The following CACNB2 variants were observed in gnomAD, a reference collection of about 807,000 sequenced individuals.
CACNB2 encodes the protein calcium voltage-gated channel auxiliary subunit beta 2.
CACNB2 carries 42 observed loss-of-function variants against 73.3 expected under a neutral mutation model. The observed-to-expected ratio is 0.57, with a 90% CI of 0.45 to 0.74. The LOEUF (loss-of-function observed/expected upper bound fraction) is 0.74. CACNB2 is among the 30% of genes least tolerant of loss of function. CACNB2 has a pLI of 0.00. For synonymous variants in CACNB2, 348 were observed against 310.3 expected, an observed-to-expected ratio of 1.12 and a Z score of -1.28; for missense variants, 940 against 853.0, an observed-to-expected ratio of 1.10 and a Z score of -1.27.
intron 3 of CACNB2, among the ~76,000 whole-genome samples, chr10:18,435,012 G>A (rs938416486): frequency 6.6e-6 from 1 of 152,194 alleles, no homozygotes; most frequent in African/African-American, 2.4e-5. Context: ...GCCACACTTT[G>A]AGAACTGCTG....
chr10:18,149,820 A>G (rs916196318), intron 1 of CACNB2, among the ~76,000 whole-genome samples: 9 of 152,214 alleles, frequency 5.9e-5, no homozygotes, highest in Admixed American at 5.9e-4. Flanking sequence ...CTGTATAGGT[A>G]TCACTTTTTA....
At chr10:18,328,327 G>T (rs920680236) in intron 2 of CACNB2, among the ~76,000 whole-genome samples, 21 of 152,212 alleles carry the variant, frequency 1.4e-4, no homozygotes, top group African/African-American at 5.1e-4. Flanking sequence ...CTCATAGGGT[G>T]GGATTCAATA....
At chr10:18,497,527 C>G (rs2049911853) in intron 3 of CACNB2, among the ~76,000 whole-genome samples, 1 of 152,148 alleles carries the variant, frequency 6.6e-6, no homozygotes, top group African/African-American at 2.4e-5. Flanking sequence ...TTAAGTGATC[C>G]TCTTGCCTTA....
intron 2 of CACNB2, among the ~76,000 whole-genome samples, chr10:18,223,091 G>A (rs896546358): frequency 3.9e-5 from 6 of 152,098 alleles, no homozygotes; most frequent in African/African-American, 1.4e-4. Context: ...TGTCAGTCAT[G>A]GGCATATTTA....
At chr10:18,538,650 G>A (rs545601699) in intron 13 of CACNB2, among the ~76,000 whole-genome samples, 9 of 152,220 alleles carry the variant, frequency 5.9e-5, no homozygotes, top group African/African-American at 1.9e-4. Context: ...TACCACTTGT[G>A]GGGTGGATAA....
At chr10:18,408,231 C>CTTTTTTTTTT (rs71402161) in intron 3 of CACNB2, among the ~76,000 whole-genome samples, 4 of 77,952 alleles carry the variant, frequency 5.1e-5, no homozygotes, top group Non-Finnish European at 9.2e-5. Context: ...CTATCCCTGA[C>CTTTTTTTTTT]TTTTTTTTTT....
At chr10:18,369,938 T>A (rs2042508891) in intron 2 of CACNB2, among the ~76,000 whole-genome samples, 1 of 152,142 alleles carries the variant, frequency 6.6e-6, no homozygotes, top group Non-Finnish European at 1.5e-5. Context: ...ACAAGATATA[T>A]CTCTTTTCTG....
intron 2 of CACNB2, among the ~76,000 whole-genome samples, chr10:18,169,453 T>TC (rs1025247998): frequency 3.9e-5 from 6 of 152,264 alleles, no homozygotes; most frequent in Admixed American, 3.3e-4. Flanking sequence ...GCCCATTACC[T>TC]CACAACCCAG....
intron 3 of CACNB2, among the ~76,000 whole-genome samples, chr10:18,433,623 T>G (rs2045992690): frequency 1.3e-5 from 2 of 152,070 alleles, no homozygotes; most frequent in African/African-American, 4.8e-5. Context: ...ATACTAGATG[T>G]AATGAAATGA....
chr10:18,151,241 C>A (rs2031528360), intron 2 of CACNB2: 2 of 376,802 alleles, frequency 5.3e-6, no homozygotes, highest in Admixed American at 4.3e-5. Flanking sequence ...TGAGAGAACT[C>A]CAGCAGAAAT....
chr10:18,313,767 G>A (rs1368967241), intron 2 of CACNB2, among the ~76,000 whole-genome samples: 2 of 152,158 alleles, frequency 1.3e-5, no homozygotes, highest in Non-Finnish European at 1.5e-5. Context: ...GTTTGTCGCT[G>A]GTTAAGAGAA....
chr10:18,157,007 C>T (rs2032099096), intron 2 of CACNB2, among the ~76,000 whole-genome samples: 1 of 151,052 alleles, frequency 6.6e-6, no homozygotes, highest in Admixed American at 6.6e-5. Context: ...TGCGCCATTG[C>T]ACTCAGATTG....
intron 2 of CACNB2, chr10:18,400,556 C>G: frequency 9.8e-7 from 1 of 1,022,014 alleles, no homozygotes. Flanking sequence ...CTCCTCCCTC[C>G]GCCTCCCCCC....
At chr10:18,290,191 C>G (rs1204655808) in intron 2 of CACNB2, among the ~76,000 whole-genome samples, 1 of 122,674 alleles carries the variant, frequency 8.2e-6, no homozygotes. Context: ...CCATGCCTGG[C>G]TAATTTTTGT....
chr10:18,235,668 G>A (rs1050303674), intron 2 of CACNB2, among the ~76,000 whole-genome samples: 1 of 152,178 alleles, frequency 6.6e-6, no homozygotes, highest in Non-Finnish European at 1.5e-5. Flanking sequence ...ACAGCCAAAG[G>A]CAAGTCGGTT....
At chr10:18,339,143 G>T (rs1019860606) in intron 2 of CACNB2, among the ~76,000 whole-genome samples, 3 of 151,986 alleles carry the variant, frequency 2.0e-5, no homozygotes, top group Non-Finnish European at 4.4e-5. Flanking sequence ...TGTACTGAGG[G>T]GTGGGATGCC....
chr10:18,333,752 C>G (rs1463104791), intron 2 of CACNB2, among the ~76,000 whole-genome samples: 2 of 152,114 alleles, frequency 1.3e-5, no homozygotes, highest in Admixed American at 6.6e-5. Flanking sequence ...GAGGCATAAA[C>G]TCTAAATTGG....
At chr10:18,428,948 C>A (rs142605481) in intron 3 of CACNB2, among the ~76,000 whole-genome samples, 134 of 152,226 alleles carry the variant, frequency 8.8e-4, no homozygotes, top group African/African-American at 3.1e-3. Flanking sequence ...AATATTTTTA[C>A]CATTTAACTT....
chr10:18,441,349 G>A (rs546619577), intron 3 of CACNB2, among the ~76,000 whole-genome samples: 11 of 152,292 alleles, frequency 7.2e-5, no homozygotes, highest in Admixed American at 1.3e-4. Flanking sequence ...AGGTTACAGT[G>A]AGCTGATATC....
Sources: allele counts gnomAD v4.1 joint callset (sites outside exome capture counted in the v4.1 genomes callset), GRCh38; gene constraint gnomAD v4.1.1; transcripts MANE v1.5; gene names NCBI Gene and HGNC (gene_info 2026-07-23, HGNC 2026-07-21).